LMBRD1: variants seen among roughly 807,000 people sequenced by gnomAD.
LMBRD1 encodes the protein LMBR1 domain containing 1, also known as lysosomal cobalamin transport escort protein LMBD1.
In LMBRD1, 64 loss-of-function variants were observed where a neutral mutation model predicts 74.8. The observed-to-expected ratio is 0.86, with a 90% CI of 0.70 to 1.05. The LOEUF is 1.05. Ranked by LOEUF, LMBRD1 falls within the 50% of genes least tolerant of loss-of-function variation. The pLI, the probability that LMBRD1 is intolerant of heterozygous loss-of-function variation, is 0.00. For missense variants in LMBRD1, 652 were observed against 645.9 expected (o/e 1.01, Z -0.10); for synonymous variants, 204 against 216.3 (o/e 0.94, Z 0.50).
intron 9 of LMBRD1, among the ~76,000 whole-genome samples, chr6:69,711,028 A>T (rs1766371474): frequency 6.6e-6 from 1 of 152,202 alleles, no homozygotes; most frequent in African/African-American, 2.4e-5. Context: ...ATTATTCATT[A>T]TAGTCTCAAA....
intron 10 of LMBRD1, 97 bp from the exon 11 acceptor site, chr6:69,701,642 C>A: frequency 1.3e-6 from 1 of 750,604 alleles, no homozygotes; most frequent in South Asian, 1.6e-5. Flanking sequence ...ACACCTGAGT[C>A]AAAGAAAACA....
At chr6:69,726,961 C>T (rs544677739) in intron 7 of LMBRD1, among the ~76,000 whole-genome samples, 1 of 152,172 alleles carries the variant, frequency 6.6e-6, no homozygotes, top group East Asian at 1.9e-4. Context: ...TGAGAACAGC[C>T]TGGTCAACAT....
At chr6:69,696,505 C>T (rs1462820398) in intron 14 of LMBRD1, among the ~76,000 whole-genome samples, 1 of 152,126 alleles carries the variant, frequency 6.6e-6, no homozygotes, top group Non-Finnish European at 1.5e-5. Flanking sequence ...CTTCCTCCCT[C>T]CAACCCCTAA....
intron 5 of LMBRD1, among the ~76,000 whole-genome samples, chr6:69,742,547 A>G (rs1361206634): frequency 6.6e-6 from 1 of 152,146 alleles, no homozygotes; most frequent in East Asian, 1.9e-4. Context: ...TATCTAGCCC[A>G]TATCAATAAC....
intron 9 of LMBRD1, among the ~76,000 whole-genome samples, chr6:69,702,309 C>T (rs1164026810): frequency 6.7e-6 from 1 of 150,332 alleles, no homozygotes; most frequent in Non-Finnish European, 1.5e-5. Flanking sequence ...ACACACACCC[C>T]AAAACCATGA....
intron 5 of LMBRD1, among the ~76,000 whole-genome samples, chr6:69,747,073 A>C (rs1303502878): frequency 6.6e-6 from 1 of 152,118 alleles, no homozygotes; most frequent in Non-Finnish European, 1.5e-5. Context: ...AAAAAAAAAA[A>C]AACAAAATCC....
chr6:69,761,283 T>C (rs753032656), intron 3 of LMBRD1, among the ~76,000 whole-genome samples: 81 of 152,304 alleles, frequency 5.3e-4, no homozygotes, highest in Admixed American at 1.6e-3. Flanking sequence ...CTCAATGGTA[T>C]TTATTCCAAG....
chr6:69,725,386 A>G (rs910960619), intron 7 of LMBRD1, among the ~76,000 whole-genome samples: 20 of 150,876 alleles, frequency 1.3e-4, no homozygotes, highest in African/African-American at 4.6e-4. Flanking sequence ...CAAAACACAC[A>G]CCTAAAGTGT....
At chr6:69,744,766 T>A (rs758609553) in intron 5 of LMBRD1, among the ~76,000 whole-genome samples, 78 of 152,268 alleles carry the variant, frequency 5.1e-4, no homozygotes, top group Admixed American at 9.8e-4. Context: ...TTAACTGATC[T>A]TCCTACCTAC....
intron 9 of LMBRD1, among the ~76,000 whole-genome samples, chr6:69,711,422 T>C (rs1346551480): frequency 2.0e-5 from 3 of 152,124 alleles, no homozygotes; most frequent in Non-Finnish European, 4.4e-5. Context: ...TAAAGTTGAT[T>C]TGAAAATCCT....
At position 69,707,595 on chromosome 6, in the gene LMBRD1, G is replaced by A. The variant is rs1766288077; in HGVS notation, c.916-5642C>T. Among the ~76,000 whole-genome samples, 8 of 152,048 alleles carry A rather than the reference G, an allele frequency of 5.3e-5. No individual in the cohort carries two copies. The South Asian group carries it at 1.7e-3, about 32-fold the overall frequency. The stretch of plus-strand genomic sequence containing the variant: ...GTCCTTTTGAACTACTGTTTTAGGT[G>A]TGTCTCTTTTAAATAGCATACATTG... On this transcript the variant is annotated intron_variant, in intron 9 of 15. Transcript: ENST00000649934.
intron 10 of LMBRD1, 34 bp downstream of exon 10, chr6:69,701,855 T>TA (rs1366831172): frequency 1.5e-6 from 2 of 1,359,492 alleles, no homozygotes; most frequent in African/African-American, 2.9e-5. Flanking sequence ...AGAATTTGTA[T>TA]AAGTGCTTTA....
intron 7 of LMBRD1, among the ~76,000 whole-genome samples, chr6:69,736,130 T>TG (rs2149867784): frequency 6.6e-6 from 1 of 152,308 alleles, no homozygotes; most frequent in African/African-American, 2.4e-5. Context: ...AATTGACCAC[T>TG]GGGAGACACA....
chr6:69,780,606 C>A, intron 2 of LMBRD1, 52 bp from the exon 3 acceptor site: 4 of 1,392,822 alleles, frequency 2.9e-6, no homozygotes, highest in Non-Finnish European at 3.0e-6. Context: ...ATTTGCCTAA[C>A]AATTAAAAGT....
chr6:69,693,522 T>A (rs982161920), intron 14 of LMBRD1, among the ~76,000 whole-genome samples: 1 of 152,040 alleles, frequency 6.6e-6, no homozygotes, highest in African/African-American at 2.4e-5. Flanking sequence ...TCAGAAAGAA[T>A]TTTAATTTTA....
chr6:69,724,146 G>T (rs971160511), intron 7 of LMBRD1, among the ~76,000 whole-genome samples: 1 of 151,484 alleles, frequency 6.6e-6, no homozygotes, highest in African/African-American at 2.4e-5. Flanking sequence ...AATAAGTAAC[G>T]AGTAACAAGA....
intron 7 of LMBRD1, among the ~76,000 whole-genome samples, chr6:69,730,184 A>G (rs1766825071): frequency 2.6e-5 from 4 of 152,132 alleles, no homozygotes; most frequent in African/African-American, 2.4e-5. Context: ...TTTTAAAATA[A>G]TATATACAAA....
At chr6:69,703,263 G>A (rs1233075660) in intron 9 of LMBRD1, among the ~76,000 whole-genome samples, 2 of 151,796 alleles carry the variant, frequency 1.3e-5, no homozygotes, top group African/African-American at 4.8e-5. Context: ...TCTATATTTG[G>A]TACTGTGGTG....
intron 13 of LMBRD1, 96 bp from the exon 14 acceptor site, chr6:69,697,737 T>C: frequency 1.5e-6 from 1 of 674,712 alleles, no homozygotes; most frequent in Non-Finnish European, 2.6e-6. Context: ...CTCTGTATAC[T>C]AACTACATCT....
Sources: gnomAD v4.1 joint callset for allele counts (sites outside exome capture counted in the v4.1 genomes callset) on GRCh38, gnomAD v4.1.1 for gene constraint, MANE v1.5 for transcripts, NCBI Gene and HGNC (gene_info 2026-07-23, HGNC 2026-07-21) for gene names.